TRDN: variants seen among roughly 807,000 people sequenced by gnomAD.
TRDN encodes triadin.
A neutral mutation model predicts 149.7 loss-of-function variants in TRDN; 161 were observed. That is an observed-to-expected ratio of 1.08 (90% CI 0.95 to 1.23). The LOEUF is 1.23. TRDN is among the 50% of genes most tolerant of loss of function. The probability of loss-of-function intolerance (pLI) is 0.00; values close to 1 mark genes in which losing one functional copy is unlikely to be tolerated. For missense variants in TRDN, 896 were observed against 823.5 expected, an observed-to-expected ratio of 1.09 and a Z score of -1.08; for synonymous variants, 294 against 250.5, an observed-to-expected ratio of 1.17 and a Z score of -1.64.
intron 1 of TRDN, among the ~76,000 whole-genome samples, chr6:123,603,345 CAG>C (rs1784365995): frequency 6.6e-6 from 1 of 151,996 alleles, no homozygotes; most frequent in Non-Finnish European, 1.5e-5. Flanking sequence ...AAATTATGTT[CAG>C]AGTTATCTCC....
At chr6:123,350,764 A>G (rs1780432970) in intron 21 of TRDN, 1 of 948,464 alleles carries the variant, frequency 1.1e-6, no homozygotes, top group South Asian at 4.9e-5. Context: ...TTAAAATTGA[A>G]ATGATTTACC....
At chr6:123,402,591 C>T (rs918201193) in intron 12 of TRDN, among the ~76,000 whole-genome samples, 25 of 152,076 alleles carry the variant, frequency 1.6e-4, no homozygotes, top group African/African-American at 6.0e-4. Context: ...AGACTTTTGT[C>T]TTAGTACATT....
intron 38 of TRDN, among the ~76,000 whole-genome samples, chr6:123,245,374 G>C (rs1467375679): frequency 6.6e-6 from 1 of 151,918 alleles, no homozygotes; most frequent in Non-Finnish European, 1.5e-5. Flanking sequence ...ACACACATAG[G>C]CTCAAAATAA....
intron 12 of TRDN, among the ~76,000 whole-genome samples, chr6:123,404,415 T>C (rs1773108883): frequency 6.6e-6 from 1 of 152,174 alleles, no homozygotes; most frequent in Non-Finnish European, 1.5e-5. Context: ...TTTTTTAATT[T>C]TAGAGACTGT....
intron 12 of TRDN, among the ~76,000 whole-genome samples, chr6:123,426,334 G>A (rs72976570): frequency 0.042 from 6,339 of 152,202 alleles, 284 homozygotes; most frequent in Admixed American, 0.15. Flanking sequence ...AGAAAAGAGA[G>A]AGTGAACTAT....
chr6:123,450,272 A>G (rs1453509864), intron 10 of TRDN, among the ~76,000 whole-genome samples: 1 of 152,210 alleles, frequency 6.6e-6, no homozygotes, highest in African/African-American at 2.4e-5. Context: ...TAAATGCTCC[A>G]CTTAAAAGAT....
At chr6:123,436,374 G>A (rs766514355) in intron 12 of TRDN, among the ~76,000 whole-genome samples, 1 of 152,096 alleles carries the variant, frequency 6.6e-6, no homozygotes, top group Non-Finnish European at 1.5e-5. Context: ...ATGGAAATTT[G>A]GATGCAAAGG....
rs776451523 is a variant in TRDN at position 123,299,302 on chromosome 6, T to C, written c.1510+17155A>G. On this transcript the variant is annotated intron_variant, in intron 24 of 40. Transcript: ENST00000334268. Reference sequence around the variant, plus strand: ...GCACAGTAAAATGTCTGAATCTTGATGGACATGGCTAAAGTAGTCAAGCAT... The same window carrying C: ...GCACAGTAAAATGTCTGAATCTTGACGGACATGGCTAAAGTAGTCAAGCAT... Among the ~76,000 whole-genome samples, 30 of 152,002 alleles carry C rather than the reference T, an allele frequency of 2.0e-4. 1 individual carries two copies. Among genetic ancestry groups the C allele is most frequent in the Admixed American group, 5.9e-4 (9 of 15,214 alleles).
intron 7 of TRDN, 119 bp from the exon 8 acceptor site, chr6:123,504,020 T>C (rs1279564480): frequency 2.7e-6 from 3 of 1,127,458 alleles, no homozygotes; most frequent in Admixed American, 3.0e-5. Flanking sequence ...AAGTCACAAG[T>C]GTTTATGTTA....
chr6:123,471,740 A>T (rs1365693550), intron 9 of TRDN: 1 of 152,224 alleles, frequency 6.6e-6, no homozygotes, highest in Non-Finnish European at 1.5e-5. Flanking sequence ...CATTCTTTTG[A>T]TTAAAAATGA....
At chr6:123,461,251 G>C (rs539669543) in intron 10 of TRDN, among the ~76,000 whole-genome samples, 6 of 152,154 alleles carry the variant, frequency 3.9e-5, no homozygotes, top group Non-Finnish European at 7.4e-5. Flanking sequence ...TCAAAGCTGA[G>C]ATTGGGCAGG....
At chr6:123,416,303 G>A (rs1773647130) in intron 12 of TRDN, among the ~76,000 whole-genome samples, 1 of 152,148 alleles carries the variant, frequency 6.6e-6, no homozygotes, top group Non-Finnish European at 1.5e-5. Context: ...CCACAACTCG[G>A]TTAACTTCAC....
intron 12 of TRDN, among the ~76,000 whole-genome samples, chr6:123,417,412 C>T (rs1773702252): frequency 6.6e-6 from 1 of 152,030 alleles, no homozygotes; most frequent in African/African-American, 2.4e-5. Context: ...TCCAGGGATA[C>T]AAATTATTCT....
At chr6:123,626,641 G>A (rs1464463205) in intron 1 of TRDN, among the ~76,000 whole-genome samples, 1 of 151,902 alleles carries the variant, frequency 6.6e-6, no homozygotes, top group East Asian at 1.9e-4. Context: ...CATGAGGGTT[G>A]GAATCAACTT....
At chr6:123,463,537 A>ATTTCC (rs1776605063) in intron 10 of TRDN, among the ~76,000 whole-genome samples, 1 of 151,898 alleles carries the variant, frequency 6.6e-6, no homozygotes, top group Non-Finnish European at 1.5e-5. Flanking sequence ...TCTGACTATC[A>ATTTCC]AAGTCTCCCT....
chr6:123,484,476 A>C (rs1777897203), intron 9 of TRDN, among the ~76,000 whole-genome samples: 1 of 152,190 alleles, frequency 6.6e-6, no homozygotes, highest in Admixed American at 6.5e-5. Flanking sequence ...GTGCATTAAT[A>C]AATAACACAT....
At chr6:123,335,244 G>C (rs1321410123) in intron 22 of TRDN, among the ~76,000 whole-genome samples, 1 of 151,722 alleles carries the variant, frequency 6.6e-6, no homozygotes, top group Non-Finnish European at 1.5e-5. Flanking sequence ...AATGCAGTTT[G>C]AATTAAAAAG....
chr6:123,271,054 T>TGTGC, intron 30 of TRDN, 85 bp downstream of exon 30: 1 of 712,924 alleles, frequency 1.4e-6, no homozygotes, highest in Admixed American at 3.1e-5. Context: ...TGTGTGTGTG[T>TGTGC]GTGTGTGTGT....
At chr6:123,467,220 G>C (rs1003480384) in intron 9 of TRDN, among the ~76,000 whole-genome samples, 2 of 151,634 alleles carry the variant, frequency 1.3e-5, no homozygotes, top group Non-Finnish European at 2.9e-5. Flanking sequence ...TGCAGAAAGA[G>C]TCTTGAAAGA....
Sources: allele counts gnomAD v4.1 joint callset (sites outside exome capture counted in the v4.1 genomes callset), GRCh38; gene constraint gnomAD v4.1.1; transcripts MANE v1.5; gene names NCBI Gene and HGNC (gene_info 2026-07-23, HGNC 2026-07-21).